The following BCAS1 variants were observed in gnomAD, a reference collection of about 807,000 sequenced individuals.
The protein encoded by BCAS1 is breast carcinoma-amplified sequence 1.
In BCAS1, 46 loss-of-function variants were observed where a neutral mutation model predicts 65.4. That is an observed-to-expected ratio of 0.70 (90% CI 0.55 to 0.90). The LOEUF (loss-of-function observed/expected upper bound fraction) is 0.90, where lower values mean the gene tolerates loss of function less well. Ranked by LOEUF, BCAS1 falls within the 40% of genes least tolerant of loss-of-function variation. The pLI is 0.00. For synonymous variants in BCAS1, 298 were observed against 293.5 expected (o/e 1.02, Z -0.16); for missense variants, 793 against 771.2 (o/e 1.03, Z -0.33).
chr20:54,026,224 T>C (rs1049421865), intron 4 of BCAS1, among the ~76,000 whole-genome samples: 1 of 152,224 alleles, frequency 6.6e-6, no homozygotes, highest in Non-Finnish European at 1.5e-5. Flanking sequence ...ACAAGGGCTT[T>C]GCTATATTAG....
At position 53,944,870 on chromosome 20, in the gene BCAS1, G is replaced by A; in HGVS notation, c.*52C>T. 1 of 1,507,214 alleles carries A rather than the reference G, an allele frequency of 6.6e-7. No homozygotes were observed. Among genetic ancestry groups the A allele is most frequent in the African/African-American group, 1.4e-5 (1 of 72,796 alleles). The allele number at this position is 1,507,214 out of a possible 1,614,324, so 93.4% of individuals were successfully genotyped here. A position where few individuals can be genotyped will look rare whatever the true frequency, so the allele number is the denominator to read the frequency against. On this transcript the variant is annotated 3_prime_UTR_variant, in exon 13 of 13. Coordinates refer to ENST00000688948, the MANE Select transcript of BCAS1 (RefSeq NM_001366298.2). ...CGTGTTTGGGGAGGAGATGGAGTAA[G>A]GAGAACACATCTTGGTGGCAGGAGA...
chr20:53,960,987 A>C (rs553558703), intron 10 of BCAS1, among the ~76,000 whole-genome samples: 2 of 152,346 alleles, frequency 1.3e-5, no homozygotes, highest in South Asian at 2.1e-4. Context: ...TCATGGAGTT[A>C]ATTTTTATTC....
rs1411954091 is a variant in BCAS1, at chr20:54,018,000, A to G, written c.723+10392T>C. On this transcript the variant is annotated intron_variant, in intron 4 of 12. Transcript: ENST00000688948. ...CTAGAACACATTCGTCATCTATTTA[A>G]CAAACACTTCCCCAAAGCGAGAAAA... Among the ~76,000 whole-genome samples, 8 of 152,350 alleles carry G rather than the reference A, an allele frequency of 5.3e-5. No homozygotes were observed. In the East Asian group the frequency reaches 1.5e-3, roughly 29 times the overall value.
chr20:54,026,585 C>T (rs1471197545), intron 4 of BCAS1, among the ~76,000 whole-genome samples: 2 of 152,160 alleles, frequency 1.3e-5, no homozygotes, highest in Non-Finnish European at 2.9e-5. Context: ...CTAACTGAGC[C>T]AATGGATAGG....
intron 4 of BCAS1, among the ~76,000 whole-genome samples, chr20:54,026,038 TG>T (rs1425560762): frequency 6.6e-6 from 1 of 152,288 alleles, no homozygotes; most frequent in East Asian, 1.9e-4. Flanking sequence ...TAGTACAAAG[TG>T]GGCACTCAGT....
At chr20:54,043,334 TGA>T (rs372178387) in intron 3 of BCAS1, among the ~76,000 whole-genome samples, 1 of 145,092 alleles carries the variant, frequency 6.9e-6, no homozygotes, top group East Asian at 2.2e-4. Context: ...ATGATGACGA[TGA>T]TTTTTTTTAT....
intron 8 of BCAS1, among the ~76,000 whole-genome samples, chr20:53,980,582 AT>A (rs1188249001): frequency 6.6e-6 from 1 of 152,150 alleles, no homozygotes; most frequent in African/African-American, 2.4e-5. Flanking sequence ...ATCTTCTTTA[AT>A]TTCTAGGTCT....
intron 7 of BCAS1, among the ~76,000 whole-genome samples, chr20:53,989,536 C>G (rs2090702000): frequency 6.6e-6 from 1 of 152,048 alleles, no homozygotes; most frequent in South Asian, 2.1e-4. Context: ...TGACAGGGAC[C>G]AGAGACAGAC....
At chr20:53,980,980 G>A (rs750616552) in intron 8 of BCAS1, among the ~76,000 whole-genome samples, 13 of 152,114 alleles carry the variant, frequency 8.5e-5, no homozygotes, top group Non-Finnish European at 1.3e-4. Context: ...TAAAATCTAC[G>A]GGATCCTGTT....
At chr20:54,026,362 T>C (rs1011593240) in intron 4 of BCAS1, among the ~76,000 whole-genome samples, 1 of 152,208 alleles carries the variant, frequency 6.6e-6, no homozygotes, top group African/African-American at 2.4e-5. Flanking sequence ...AGTTAATAAA[T>C]CACAACTCCA....
intron 3 of BCAS1, among the ~76,000 whole-genome samples, chr20:54,041,772 G>A (rs957469198): frequency 4.0e-5 from 6 of 151,250 alleles, no homozygotes; most frequent in Non-Finnish European, 8.9e-5. Context: ...AGTGGCGGGC[G>A]CCTGTAATCT....
At chr20:54,050,495 C>T (rs1051279188) in intron 3 of BCAS1, among the ~76,000 whole-genome samples, 2 of 152,130 alleles carry the variant, frequency 1.3e-5, no homozygotes, top group Admixed American at 6.6e-5. Context: ...CCCAAGAGGG[C>T]GAAAATGGTT....
At chr20:54,032,822 A>C (rs976747778) in intron 3 of BCAS1, among the ~76,000 whole-genome samples, 3 of 151,324 alleles carry the variant, frequency 2.0e-5, no homozygotes, top group African/African-American at 7.3e-5. Context: ...CAGATTCATA[A>C]AGCAAGTTTA....
intron 8 of BCAS1, 90 bp downstream of exon 8, chr20:53,985,197 A>C (rs567816675): frequency 1.6e-6 from 2 of 1,260,306 alleles, no homozygotes; most frequent in Non-Finnish European, 2.3e-6. Context: ...CCTTCCATAC[A>C]TTGTTGAGTA....
At chr20:53,975,807 T>C (rs949951911) in intron 8 of BCAS1, among the ~76,000 whole-genome samples, 1 of 152,142 alleles carries the variant, frequency 6.6e-6, no homozygotes, top group Non-Finnish European at 1.5e-5. Context: ...ACAGAGTCAC[T>C]GTTAGGTAAA....
chr20:54,061,321 C>T (rs1021594793), intron 1 of BCAS1, among the ~76,000 whole-genome samples: 1 of 152,136 alleles, frequency 6.6e-6, no homozygotes, highest in Non-Finnish European at 1.5e-5. Flanking sequence ...GGCAAACATC[C>T]AGTGAGGAAT....
intron 3 of BCAS1, among the ~76,000 whole-genome samples, chr20:54,032,633 T>C (rs1207224260): frequency 1.3e-5 from 2 of 151,218 alleles, no homozygotes; most frequent in African/African-American, 4.8e-5. Context: ...GGGAAAAATC[T>C]ACCAAGCAAA....
intron 7 of BCAS1, among the ~76,000 whole-genome samples, chr20:53,985,755 G>C (rs1455705577): frequency 6.6e-6 from 1 of 152,204 alleles, no homozygotes; most frequent in East Asian, 1.9e-4. Flanking sequence ...AACTCATTAG[G>C]AATCAAGGTG....
chr20:53,960,728 A>G (rs555708415), intron 10 of BCAS1, among the ~76,000 whole-genome samples: 99 of 148,238 alleles, frequency 6.7e-4, no homozygotes, highest in African/African-American at 2.4e-3. Context: ...TCTCTCCCTC[A>G]CTTCCCTCCT....
Sources: gnomAD v4.1 joint callset for allele counts (sites outside exome capture counted in the v4.1 genomes callset) on GRCh38, gnomAD v4.1.1 for gene constraint, MANE v1.5 for transcripts, NCBI Gene and HGNC (gene_info 2026-07-23, HGNC 2026-07-21) for gene names.